The following PLCH1 variants were observed in gnomAD, a reference collection of about 807,000 sequenced individuals.
The protein encoded by PLCH1 is 1-phosphatidylinositol 4,5-bisphosphate phosphodiesterase eta-1.
A neutral mutation model predicts 126.7 loss-of-function variants in PLCH1; 60 were observed. The ratio of observed to expected loss-of-function variants is 0.47; its 90% CI spans 0.38 to 0.59. The LOEUF (loss-of-function observed/expected upper bound fraction) is 0.59, where lower values mean the gene tolerates loss of function less well. Ranked by LOEUF, PLCH1 falls within the 20% of genes least tolerant of loss-of-function variation. The pLI, the probability that PLCH1 is intolerant of heterozygous loss-of-function variation, is 0.00. For missense variants in PLCH1, 1,723 were observed against 2,040.0 expected, an observed-to-expected ratio of 0.84 and a Z score of 2.99; for synonymous variants, 719 against 734.9, an observed-to-expected ratio of 0.98 and a Z score of 0.35.
chr3:155,627,328 G>A (rs1334459402), intron 2 of PLCH1, among the ~76,000 whole-genome samples: 1 of 152,166 alleles, frequency 6.6e-6, no homozygotes, highest in Non-Finnish European at 1.5e-5. Context: ...GTTTGTAATG[G>A]TTTAAAAACA....
chr3:155,735,822 A>G (rs138434264), intron 1 of PLCH1, among the ~76,000 whole-genome samples: 364 of 152,348 alleles, frequency 2.4e-3, no homozygotes, highest in Non-Finnish European at 4.3e-3. Flanking sequence ...GGAAGCTCTT[A>G]TATGCTGATA....
At chr3:155,655,299 G>A (rs1741219428) in intron 2 of PLCH1, among the ~76,000 whole-genome samples, 1 of 152,084 alleles carries the variant, frequency 6.6e-6, no homozygotes, top group Non-Finnish European at 1.5e-5. Context: ...AGCCGAGCAT[G>A]GTGGCACATG....
chr3:155,578,941 G>A (rs1730325708), intron 6 of PLCH1, among the ~76,000 whole-genome samples: 1 of 152,084 alleles, frequency 6.6e-6, no homozygotes. Context: ...CAGAGGAAAG[G>A]AGCAAAAGAC....
At chr3:155,567,635 C>A (rs1380455668) in intron 7 of PLCH1, among the ~76,000 whole-genome samples, 1 of 152,168 alleles carries the variant, frequency 6.6e-6, no homozygotes, top group African/African-American at 2.4e-5. Flanking sequence ...ATTTTAAATA[C>A]ATATACATAC....
intron 6 of PLCH1, among the ~76,000 whole-genome samples, chr3:155,577,958 G>A (rs1730192612): frequency 6.6e-6 from 1 of 152,198 alleles, no homozygotes; most frequent in African/African-American, 2.4e-5. Context: ...GACACTGTGA[G>A]ATAGGAAAGG....
chr3:155,482,073 TC>T lies in PLCH1; in HGVS notation c.3952del (p.Glu1318LysfsTer3). 4 of 1,614,208 alleles carry T rather than the reference TC, an allele frequency of 2.5e-6. No individual in the cohort carries two copies. Among genetic ancestry groups the T allele is most frequent in the Non-Finnish European group, 3.4e-6 (4 of 1,180,036 alleles). On this transcript the variant is annotated frameshift_variant, in exon 23 of 23. Coordinates refer to ENST00000460012, the MANE Select transcript of PLCH1 (RefSeq NM_014996.4). LOFTEE classifies it low-confidence loss of function (END_TRUNC). ...GGCAGGGCTGCAGCTCTTCAGTGTTTCCCAGTCTTCTCCCTTGGTAGGACTT... is the reference window on the plus strand; with the variant it reads ...GGCAGGGCTGCAGCTCTTCAGTGTTTCCAGTCTTCTCCCTTGGTAGGACTT... ...PKSPTKGEDW[E>X]TLKSCSPASS...
At chr3:155,460,782 T>TAG in intron 21 of PLCH1, among the ~76,000 whole-genome samples, 1 of 144,258 alleles carries the variant, frequency 6.9e-6, no homozygotes, top group Non-Finnish European at 1.5e-5. Context: ...GATAGATAGA[T>TAG]ATAGAAGATA....
At position 155,543,603 on chromosome 3, in the gene PLCH1, G is replaced by C. The variant is rs1021755426; in HGVS notation, c.1362+6184C>G. ...CATAATTGTCAGATTCACCAAAGTTGAAATGACGGAAAAAATGTTAAGGGC... is the reference window on the plus strand; with the variant it reads ...CATAATTGTCAGATTCACCAAAGTTCAAATGACGGAAAAAATGTTAAGGGC... On this transcript the variant is annotated intron_variant, in intron 10 of 22. Transcript: ENST00000460012. 8.5e-5 allele frequency among the ~76,000 whole-genome samples: 13 copies of C among 152,272 alleles called. 1 individual carries two copies. In the East Asian group the frequency reaches 1.5e-3, roughly 18 times the overall value.
In PLCH1 at chr3:155,723,231, T is replaced by C. The variant is rs186560434; in HGVS notation, c.-40-18967A>G. Among the ~76,000 whole-genome samples the C allele has an allele frequency of 1.3e-3, 191 of 152,256 alleles. 1 individual carries two copies. The highest frequency in any genetic ancestry group is 4.2e-3 in the African/African-American group (174 of 41,548). On this transcript the variant is annotated intron_variant, in intron 1 of 22. Coordinates refer to ENST00000460012, the MANE Select transcript of PLCH1 (RefSeq NM_014996.4). ...CTCTCTCCATAGCAGCCTTGAATGA[T>C]CTTTTGTATTTCTGTGGTATCAGTT...
chr3:155,713,503 G>C (rs1747294295), intron 1 of PLCH1, among the ~76,000 whole-genome samples: 2 of 152,150 alleles, frequency 1.3e-5, no homozygotes, highest in African/African-American at 4.8e-5. Context: ...CTGTCTGAGA[G>C]GTGTGTGTGT....
chr3:155,491,704 T>G (rs1716229106), intron 18 of PLCH1, among the ~76,000 whole-genome samples: 1 of 152,168 alleles, frequency 6.6e-6, no homozygotes, highest in Non-Finnish European at 1.5e-5. Context: ...AGACAAAATT[T>G]GTCTGCTGTG....
downstream of PLCH1, among the ~76,000 whole-genome samples, chr3:155,478,088 T>G (rs1217596099): frequency 6.6e-6 from 1 of 152,064 alleles, no homozygotes; most frequent in Non-Finnish European, 1.5e-5. Context: ...AGATCGTCAT[T>G]TACAACAACA....
In PLCH1 at chr3:155,740,783, ACT is replaced by A. The variant is rs1217195654; in HGVS notation, c.-41+4055_-41+4056del. Among the ~76,000 whole-genome samples the A allele has an allele frequency of 7.9e-5, 12 of 152,120 alleles. No homozygotes were observed. In the South Asian group the frequency reaches 8.3e-4, roughly 11 times the overall value. On this transcript the variant is annotated intron_variant, in intron 1 of 22. Transcript: ENST00000460012. The stretch of plus-strand genomic sequence containing the variant: ...ACAACAAGATCATTAGAAATCAGTA[ACT>A]CTGCGTTGTCATCCCCATTCTGCCA...
intron 2 of PLCH1, among the ~76,000 whole-genome samples, chr3:155,609,473 G>A (rs1385691682): frequency 6.6e-6 from 1 of 152,060 alleles, no homozygotes; most frequent in Non-Finnish European, 1.5e-5. Flanking sequence ...CTGGTACTAT[G>A]ACAAAAAAAG....
intron 1 of PLCH1, among the ~76,000 whole-genome samples, chr3:155,724,301 T>C (rs1002645070): frequency 6.6e-6 from 1 of 152,228 alleles, no homozygotes; most frequent in African/African-American, 2.4e-5. Flanking sequence ...TTGTTGACTT[T>C]CTGTCTTAAT....
At position 155,519,969 on chromosome 3, in the gene PLCH1, A is replaced by T. The variant is rs753201740; in HGVS notation, c.1470+3928T>A. On this transcript the variant is annotated intron_variant, in intron 11 of 22. Coordinates refer to ENST00000460012, the MANE Select transcript of PLCH1 (RefSeq NM_014996.4). ...GCTGAAGAACAGCTGCTTCTCAGCC[A>T]TTCAAGCCTGTGTGTTTACTCCTGT... 1.0e-3 allele frequency among the ~76,000 whole-genome samples: 156 copies of T among 152,236 alleles called. 1 individual carries two copies. The highest frequency in any genetic ancestry group is 1.7e-3 in the Non-Finnish European group (119 of 68,012).
chr3:155,514,858 C>T lies in PLCH1; in HGVS notation c.1497G>A (p.Val499=). Reference sequence around the variant, plus strand: ...CCAGTTTTTTCCTTATGAAAGATTCCACCTGATGCTCAGTGGTCCCATTAC... The same window carrying T: ...CCAGTTTTTTCCTTATGAAAGATTCTACCTGATGCTCAGTGGTCCCATTAC... ...HYSNGTTEHQ[V]ESFIRKKLES... Residue 499 remains valine, a synonymous_variant, in exon 12 of 23, where the codon GTG becomes GTA. Coordinates refer to ENST00000460012, the MANE Select transcript of PLCH1 (RefSeq NM_014996.4). The T allele has an allele frequency of 6.2e-7, 1 of 1,609,074 alleles. No individual in the cohort carries two copies. The highest frequency in any genetic ancestry group is 1.1e-5 in the South Asian group (1 of 90,432).
intron 1 of PLCH1, among the ~76,000 whole-genome samples, chr3:155,712,555 G>GA (rs55661409): frequency 0.16 from 24,406 of 149,880 alleles, 2,758 homozygotes; most frequent in East Asian, 0.39. Flanking sequence ...GTGCTAAAAA[G>GA]AAAAAAAAAG....
At chr3:155,561,833 G>A (rs989802468) in intron 8 of PLCH1, among the ~76,000 whole-genome samples, 1 of 152,136 alleles carries the variant, frequency 6.6e-6, no homozygotes, top group Non-Finnish European at 1.5e-5. Context: ...CCAGGCTGGA[G>A]TGCAAAGGCA....
Sources: allele counts gnomAD v4.1 joint callset (sites outside exome capture counted in the v4.1 genomes callset), GRCh38; gene constraint gnomAD v4.1.1; transcripts MANE v1.5; gene names NCBI Gene and HGNC (gene_info 2026-07-23, HGNC 2026-07-21).